Variants in EPC1 observed in about 807,000 individuals in gnomAD.
EPC1 encodes enhancer of polycomb 1, also known as enhancer of polycomb homolog 1.
EPC1 carries 12 observed loss-of-function variants against 98.4 expected under a neutral mutation model. That is an observed-to-expected ratio of 0.12 (90% CI 0.08 to 0.20). The LOEUF is 0.20. Among genes scored for constraint, EPC1 ranks in the 10% least tolerant of loss-of-function variants. EPC1 has a pLI of 1.00. For synonymous variants in EPC1, 357 were observed against 363.9 expected (o/e 0.98, Z 0.21); for missense variants, 729 against 990.5 (o/e 0.74, Z 3.54).
At chr10:32,278,905 T>G (rs1836248382) in intron 10 of EPC1, among the ~76,000 whole-genome samples, 1 of 152,220 alleles carries the variant, frequency 6.6e-6, no homozygotes, top group African/African-American at 2.4e-5. Context: ...CGTGAATGAC[T>G]GAACATGAGA....
At chr10:32,279,739 A>T (rs1274264421) in intron 10 of EPC1, among the ~76,000 whole-genome samples, 2 of 152,160 alleles carry the variant, frequency 1.3e-5, no homozygotes, top group Non-Finnish European at 2.9e-5. Flanking sequence ...CTTACATAAG[A>T]GTCCTTATGC....
At chr10:32,364,002 ATTTTTTTTTTTT>A (rs35887256) in intron 1 of EPC1, among the ~76,000 whole-genome samples, 1 of 69,274 alleles carries the variant, frequency 1.4e-5, no homozygotes, top group African/African-American at 6.6e-5. Flanking sequence ...TCATGTTGGC[ATTTTTTTTTTTT>A]TTTTTTTTTT....
intron 1 of EPC1, among the ~76,000 whole-genome samples, chr10:32,306,591 G>A (rs1187671564): frequency 6.6e-6 from 1 of 151,966 alleles, no homozygotes; most frequent in African/African-American, 2.4e-5. Flanking sequence ...TGTGACTCCC[G>A]GCAAGAAACC....
At chr10:32,269,241 G>A (rs1051516590) in intron 13 of EPC1, 106 bp from the exon 14 acceptor site, 1 of 852,338 alleles carries the variant, frequency 1.2e-6, no homozygotes, top group Non-Finnish European at 1.9e-6. Flanking sequence ...GGAAGAAATT[G>A]GACTCTTTGG....
At chr10:32,327,062 G>GACAC (rs57395657) in intron 1 of EPC1, among the ~76,000 whole-genome samples, 27,282 of 141,878 alleles carry the variant, frequency 0.19, 2,635 homozygotes, top group South Asian at 0.28. Flanking sequence ...AAAATGTGGT[G>GACAC]ACACACACAC....
intron 1 of EPC1, among the ~76,000 whole-genome samples, chr10:32,333,200 C>T (rs993498683): frequency 1.8e-4 from 27 of 152,244 alleles, no homozygotes; most frequent in Non-Finnish European, 3.1e-4. Flanking sequence ...TTTAGCCGGG[C>T]ATGGTGGCGT....
intron 1 of EPC1, among the ~76,000 whole-genome samples, chr10:32,355,481 G>GTCAACCCA (rs1839244444): frequency 6.6e-6 from 1 of 151,974 alleles, no homozygotes; most frequent in Non-Finnish European, 1.5e-5. Flanking sequence ...TTAAATTACT[G>GTCAACCCA]TCAACCCATT....
intron 1 of EPC1, among the ~76,000 whole-genome samples, chr10:32,327,684 T>A (rs2132948652): frequency 6.6e-6 from 1 of 152,052 alleles, no homozygotes; most frequent in African/African-American, 2.4e-5. Flanking sequence ...ACTACATACC[T>A]AGGCTATATG....
chr10:32,283,500 G>A (rs1836513813), intron 10 of EPC1: 2 of 152,168 alleles, frequency 1.3e-5, no homozygotes, highest in South Asian at 2.1e-4. Flanking sequence ...GTAGAGATGA[G>A]GTTTCACCAT....
At chr10:32,271,343 A>G (rs559692961) in intron 13 of EPC1, among the ~76,000 whole-genome samples, 18 of 152,172 alleles carry the variant, frequency 1.2e-4, no homozygotes, top group Non-Finnish European at 2.4e-4. Context: ...TGCAACATTC[A>G]CTATACCAGT....
Position 32,271,593 on chromosome 10 carries a change from G to T in EPC1, c.2330C>A (p.Ser777Tyr), listed in dbSNP as rs749669142. ...KLAAAANCQVSKVPSSSSVDS... is the reference protein window; with the variant it reads ...KLAAAANCQVYKVPSSSSVDS... ...TACAGAGGATGAAGATGGGACCTTGGAAACTTGACAGTTTGCTGCAGCGGC... is the reference window on the plus strand; with the variant it reads ...TACAGAGGATGAAGATGGGACCTTGTAAACTTGACAGTTTGCTGCAGCGGC... The change falls in exon 13 of 14, where the codon TCC (serine) becomes TAC (tyrosine). Residue 777 changes from serine (S) to tyrosine (Y), a missense_variant. Coordinates refer to ENST00000319778, the MANE Select transcript of EPC1 (RefSeq NM_001272004.3). The T allele has an allele frequency of 4.3e-6, 7 of 1,614,166 alleles. No individual in the cohort carries two copies. The highest frequency in any genetic ancestry group is 5.9e-6 in the Non-Finnish European group (7 of 1,180,020).
At chr10:32,333,021 A>G (rs1163140070) in intron 1 of EPC1, among the ~76,000 whole-genome samples, 2 of 152,198 alleles carry the variant, frequency 1.3e-5, no homozygotes, top group African/African-American at 4.8e-5. Flanking sequence ...GAGGCTTAGT[A>G]ACACTGTGAC....
At chr10:32,358,428 G>A (rs1043541079) in intron 1 of EPC1, among the ~76,000 whole-genome samples, 3 of 152,020 alleles carry the variant, frequency 2.0e-5, no homozygotes, top group Admixed American at 1.3e-4. Flanking sequence ...AGGATCACTT[G>A]CACCCAGGAG....
At chr10:32,363,596 G>A (rs1261598791) in intron 1 of EPC1, among the ~76,000 whole-genome samples, 1 of 152,160 alleles carries the variant, frequency 6.6e-6, no homozygotes, top group African/African-American at 2.4e-5. Context: ...TTTTAAAAAA[G>A]TGTTCCTTCT....
At chr10:32,293,516 T>A (rs896507954) in intron 3 of EPC1, 76 bp downstream of exon 3, 2 of 1,385,270 alleles carry the variant, frequency 1.4e-6, no homozygotes, top group African/African-American at 2.9e-5. Flanking sequence ...CAACCTGCAA[T>A]CTCACACTCT....
rs767303375 is a variant in EPC1, at chr10:32,287,172, C to A, written c.1078G>T (p.Ala360Ser). ...AATPQQTSPA[A>S]LPVFNAKDLN... ...TCTTTAGCATTGAAGACTGGCAGTG[C>A]AGCAGGACTCGTCTGTTGGGGAGTA... Residue 360 changes from alanine to serine, a missense_variant, in exon 7 of 14, where the codon GCA (alanine) becomes TCA (serine). Physicochemically the swap from Ala to Ser is moderately conservative, Grantham distance 99. Coordinates refer to ENST00000319778, the MANE Select transcript of EPC1 (RefSeq NM_001272004.3). The A allele has an allele frequency of 6.2e-7, 1 of 1,614,002 alleles. No homozygotes were observed. Among genetic ancestry groups the A allele is most frequent in the East Asian group, 2.2e-5 (1 of 44,888 alleles).
intron 1 of EPC1, among the ~76,000 whole-genome samples, chr10:32,362,130 T>C (rs1182967417): frequency 6.6e-6 from 1 of 152,196 alleles, no homozygotes; most frequent in African/African-American, 2.4e-5. Flanking sequence ...AGCCATTCTT[T>C]TATTCCTTTA....
chr10:32,280,656 T>C (rs1367965686), intron 10 of EPC1, among the ~76,000 whole-genome samples: 15 of 151,924 alleles, frequency 9.9e-5, no homozygotes, highest in Admixed American at 8.5e-4. Flanking sequence ...GAGAACTGCT[T>C]GAACCGGGGA....
intron 2 of EPC1, among the ~76,000 whole-genome samples, chr10:32,301,385 T>C (rs562331877): frequency 6.6e-6 from 1 of 152,182 alleles, no homozygotes; most frequent in Admixed American, 6.5e-5. Flanking sequence ...CTTAAGGCAA[T>C]TCCCACAAAA....
Sources: allele counts gnomAD v4.1 joint callset (sites outside exome capture counted in the v4.1 genomes callset), GRCh38; gene constraint gnomAD v4.1.1; transcripts MANE v1.5; gene names NCBI Gene and HGNC (gene_info 2026-07-23, HGNC 2026-07-21).